NFIB: variants seen among roughly 807,000 people sequenced by gnomAD.
NFIB encodes nuclear factor 1 B-type.
Under a neutral mutation model 61.5 loss-of-function variants are expected in NFIB, and 11 were observed. The observed-to-expected ratio is 0.18, with a 90% CI of 0.11 to 0.30. The LOEUF (loss-of-function observed/expected upper bound fraction) is 0.30, where lower values mean the gene tolerates loss of function less well. Ranked by LOEUF, NFIB falls within the 10% of genes least tolerant of loss-of-function variation. The pLI is 1.00. For synonymous variants in NFIB, 260 were observed against 216.5 expected (o/e 1.20, Z -1.76); for missense variants, 471 against 608.9 (o/e 0.77, Z 2.38).
At chr9:14,211,135 A>G (rs544127057) in intron 2 of NFIB, among the ~76,000 whole-genome samples, 1 of 152,310 alleles carries the variant, frequency 6.6e-6, no homozygotes, top group South Asian at 2.1e-4. Context: ...TTGCGGTAAA[A>G]TTAAAATTTT....
chr9:14,432,581 T>C, the NFIB span, among the ~76,000 whole-genome samples: 3 of 152,224 alleles, frequency 2.0e-5, no homozygotes, highest in Non-Finnish European at 4.4e-5. Flanking sequence ...AATTCAGCTG[T>C]CTTCTTGAAA....
At chr9:14,365,609 G>A (rs755354644) in intron 1 of NFIB, among the ~76,000 whole-genome samples, 5 of 152,198 alleles carry the variant, frequency 3.3e-5, no homozygotes, top group Non-Finnish European at 7.3e-5. Flanking sequence ...TTCATCTGAA[G>A]GAGTTCAGAA....
the NFIB span, among the ~76,000 whole-genome samples, chr9:14,437,182 A>G: frequency 6.6e-6 from 1 of 152,356 alleles, no homozygotes; most frequent in South Asian, 2.1e-4. Context: ...TGCCTCTGAC[A>G]TGCCATACAT....
intron 2 of NFIB, among the ~76,000 whole-genome samples, chr9:14,263,509 AG>A (rs1229387858): frequency 6.6e-6 from 1 of 152,222 alleles, no homozygotes; most frequent in Non-Finnish European, 1.5e-5. Flanking sequence ...TATTTTAAAA[AG>A]ATGCGAAGTG....
rs1281073805 is a variant in NFIB at position 14,155,905 on chromosome 9, T to A, written c.617-12A>T. On this transcript the variant is annotated splice_polypyrimidine_tract_variant and intron_variant, in intron 3 of 10. Transcript: ENST00000380953. ...ATCCTCAAGGTAACCTGAAAATAAA[T>A]ATTAAAGGAAAAATGATCAATATAA... 2 of 1,483,152 alleles carry A rather than the reference T, an allele frequency of 1.3e-6. No individual in the cohort carries two copies. The highest frequency in any genetic ancestry group is 1.4e-5 in the African/African-American group (1 of 71,016). 91.9% of individuals were successfully genotyped at this position (1,483,152 alleles called of 1,614,324 possible).
chr9:14,471,970 C>T, the NFIB span, among the ~76,000 whole-genome samples: 3 of 152,186 alleles, frequency 2.0e-5, no homozygotes, highest in Admixed American at 1.3e-4. Flanking sequence ...CCTCCATCTC[C>T]GACCTGCAGG....
Position 14,219,417 on chromosome 9 carries a change from G to C in NFIB, c.563-39637C>G, listed in dbSNP as rs532389310. ...AAAAAAAAAAAAAGTCTAAGTTGAA[G>C]AGATTTTTCCAAATACGATGTAATT... On this transcript the variant is annotated intron_variant, in intron 2 of 10. Transcript: ENST00000380953. Among the ~76,000 whole-genome samples the C allele has an allele frequency of 4.3e-5, 5 of 115,954 alleles. No homozygotes were observed. The East Asian group carries it at 1.3e-3, about 30-fold the overall frequency. The allele number at this position is 115,954 out of a possible 152,430, so 76.1% of individuals were successfully genotyped here. A position where few individuals can be genotyped will look rare whatever the true frequency, so the allele number is the denominator to read the frequency against.
chr9:14,447,190 T>A, the NFIB span, among the ~76,000 whole-genome samples: 1 of 152,238 alleles, frequency 6.6e-6, no homozygotes, highest in African/African-American at 2.4e-5. Flanking sequence ...TTTATTTCTT[T>A]AATATTACAC....
Position 14,307,614 on chromosome 9 carries a change from A to C in NFIB, c.31-94T>G. 1 of 1,186,872 alleles carries C rather than the reference A, an allele frequency of 8.4e-7. No homozygotes were observed. Among genetic ancestry groups the C allele is most frequent in the South Asian group, 1.9e-5 (1 of 53,356 alleles). The allele number at this position is 1,186,872 out of a possible 1,614,324, so 73.5% of individuals were successfully genotyped here. On this transcript the variant is annotated intron_variant, in intron 1 of 10. Transcript: ENST00000380953. This position sits in a 1 kb window ranked among gnomAD's most constrained non-coding sequence, Gnocchi z 5.3. ...GAAAAGAAGACCACAACCCGTTTCCAATTCAGTACAAAAAGTTATACATGA... is the reference window on the plus strand; with the variant it reads ...GAAAAGAAGACCACAACCCGTTTCCCATTCAGTACAAAAAGTTATACATGA...
intron 2 of NFIB, among the ~76,000 whole-genome samples, chr9:14,277,217 G>A (rs187169803): frequency 1.3e-5 from 2 of 152,174 alleles, no homozygotes; most frequent in South Asian, 4.1e-4. Context: ...CTACAATTCA[G>A]AATTTTGAAA....
intron 1 of NFIB, among the ~76,000 whole-genome samples, chr9:14,356,731 G>A (rs2061180164): frequency 6.6e-6 from 1 of 152,158 alleles, no homozygotes; most frequent in African/African-American, 2.4e-5. Flanking sequence ...TGGTCTGAGG[G>A]TCTGGGTGAT....
intron 1 of NFIB, among the ~76,000 whole-genome samples, chr9:14,343,040 G>A (rs528415645): frequency 6.6e-6 from 1 of 151,958 alleles, no homozygotes; most frequent in Non-Finnish European, 1.5e-5. Flanking sequence ...GTTGCCTAGT[G>A]AGCATGGCCG....
chr9:14,127,518 C>G (rs1321030822), intron 6 of NFIB, among the ~76,000 whole-genome samples: 2 of 152,110 alleles, frequency 1.3e-5, no homozygotes, highest in Non-Finnish European at 2.9e-5. Context: ...TATCATATAA[C>G]TTTGCTTCTA....
At chr9:14,512,933 G>GAAAA in the NFIB span, among the ~76,000 whole-genome samples, 6 of 128,706 alleles carry the variant, frequency 4.7e-5, no homozygotes, top group African/African-American at 1.8e-4. Flanking sequence ...CAAAGCTTTT[G>GAAAA]AAAAAAAAAA....
chr9:14,490,268 G>C, the NFIB span, among the ~76,000 whole-genome samples: 1 of 151,888 alleles, frequency 6.6e-6, no homozygotes, highest in Non-Finnish European at 1.5e-5. Flanking sequence ...TGTTAGTTCT[G>C]GGATAATTGA....
intron 10 of NFIB, among the ~76,000 whole-genome samples, chr9:14,096,048 T>C (rs2034735026): frequency 6.6e-6 from 1 of 152,120 alleles, no homozygotes; most frequent in South Asian, 2.1e-4. Flanking sequence ...TAAGTAAATA[T>C]GACTAAAAAA....
intron 6 of NFIB, among the ~76,000 whole-genome samples, chr9:14,135,285 T>C (rs573562120): frequency 6.6e-6 from 1 of 152,324 alleles, no homozygotes; most frequent in South Asian, 2.1e-4. Flanking sequence ...AAAGCTGGGC[T>C]GACAATATTG....
At chr9:14,316,303 T>C (rs755748518), upstream of NFIB, among the ~76,000 whole-genome samples, 5 of 152,210 alleles carry the variant, frequency 3.3e-5, no homozygotes, top group Non-Finnish European at 7.3e-5. Flanking sequence ...GTTTACCAGC[T>C]GCAGCCCCCG....
chr9:14,281,507 C>T (rs2058367554), intron 2 of NFIB, among the ~76,000 whole-genome samples: 1 of 152,154 alleles, frequency 6.6e-6, no homozygotes, highest in African/African-American at 2.4e-5. Flanking sequence ...TGACTTTACC[C>T]TATAATTCCT....
Sources: allele counts gnomAD v4.1 joint callset (sites outside exome capture counted in the v4.1 genomes callset), GRCh38; gene constraint gnomAD v4.1.1; non-coding constraint Gnocchi (gnomAD v3.1); transcripts MANE v1.5; gene names NCBI Gene and HGNC (gene_info 2026-07-23, HGNC 2026-07-21).